The following SOX5 variants were observed in gnomAD, a reference collection of about 807,000 sequenced individuals.
The protein encoded by SOX5 is SRY-box transcription factor 5, also known as transcription factor SOX-5.
SOX5 carries 9 observed loss-of-function variants against 92.0 expected under a neutral mutation model. That is an observed-to-expected ratio of 0.10 (90% CI 0.06 to 0.17). SOX5 has a LOEUF of 0.17. SOX5 is among the 10% of genes least tolerant of loss of function. SOX5 has a pLI of 1.00. For synonymous variants in SOX5, 344 were observed against 336.3 expected, an observed-to-expected ratio of 1.02 and a Z score of -0.25; for missense variants, 642 against 944.5, an observed-to-expected ratio of 0.68 and a Z score of 4.20.
At chr12:24,176,966 T>C (rs1157067872) in intron 4 of SOX5, among the ~76,000 whole-genome samples, 1 of 66,418 alleles carries the variant, frequency 1.5e-5, no homozygotes, top group Admixed American at 2.0e-4. Flanking sequence ...AGCAGTCAAG[T>C]TTTGTTTTTT....
chr12:23,798,102 A>G (rs1567847240), intron 3 of SOX5, among the ~76,000 whole-genome samples: 3 of 151,514 alleles, frequency 2.0e-5, no homozygotes, highest in East Asian at 3.9e-4. Flanking sequence ...CTCCTGCTTT[A>G]TTTTTCCTAT....
At chr12:24,355,282 C>CTTTTTTTTTTTTTTTTT (rs768157437) in intron 2 of SOX5, among the ~76,000 whole-genome samples, 11 of 71,932 alleles carry the variant, frequency 1.5e-4, no homozygotes, top group Non-Finnish European at 1.8e-4. Flanking sequence ...AGGGGTGCAT[C>CTTTTTTTTTTTTTTTTT]TTTTTTTTTT....
intron 4 of SOX5, among the ~76,000 whole-genome samples, chr12:23,979,389 A>T (rs984933624): frequency 1.1e-4 from 16 of 151,886 alleles, no homozygotes; most frequent in African/African-American, 1.5e-4. Context: ...ATGCCCAGCT[A>T]ATTTTCCTAT....
intron 2 of SOX5, among the ~76,000 whole-genome samples, chr12:23,886,239 T>G (rs993241472): frequency 6.6e-6 from 1 of 152,194 alleles, no homozygotes; most frequent in African/African-American, 2.4e-5. Context: ...ATGAATATGA[T>G]TGTCAAAATA....
intron 3 of SOX5, among the ~76,000 whole-genome samples, chr12:23,819,052 A>G (rs1264757458): frequency 1.3e-5 from 2 of 152,200 alleles, no homozygotes; most frequent in African/African-American, 4.8e-5. Context: ...TAAAATAACT[A>G]TAAAAATGAT....
chr12:24,475,973 C>A (rs946977496), intron 1 of SOX5, among the ~76,000 whole-genome samples: 3 of 149,200 alleles, frequency 2.0e-5, no homozygotes, highest in African/African-American at 7.5e-5. Context: ...CAGAGCAAGA[C>A]CCTGTCTCCG....
At chr12:23,859,057 G>A (rs1014061800) in intron 2 of SOX5, among the ~76,000 whole-genome samples, 13 of 152,100 alleles carry the variant, frequency 8.5e-5, no homozygotes, top group African/African-American at 1.2e-4. Context: ...TGATGATTGC[G>A]TTAACTGTAC....
chr12:23,741,014 T>C lies in SOX5; in HGVS notation c.594A>G (p.Lys198=). Residue 198 remains lysine (K), a synonymous_variant, in exon 5 of 15, where the codon AAA becomes AAG. Coordinates refer to ENST00000451604, the MANE Select transcript of SOX5 (RefSeq NM_006940.6). ...IKGTPESLAE[K]ERQLMGMINQ... is the part of the protein sequence containing the mutation. ...TGATCATACCCATGAGTTGCCTTTC[T>C]TTCTCAGCTAAGCTCTCGGGAGTCC... The C allele has an allele frequency of 6.2e-7, 1 of 1,606,036 alleles. No homozygotes were observed.
At chr12:23,705,252 G>A (rs1226675122) in intron 6 of SOX5, among the ~76,000 whole-genome samples, 1 of 151,940 alleles carries the variant, frequency 6.6e-6, no homozygotes, top group Non-Finnish European at 1.5e-5. Flanking sequence ...CTTTAGCAAC[G>A]TTTAATACTT....
chr12:24,275,992 C>T lies in SOX5; in HGVS notation c.-77+1224G>A, dbSNP rs557457484. On this transcript the variant is annotated intron_variant, in intron 3 of 4. Coordinates refer to the SOX5 transcript ENST00000446891. Reference sequence around the variant, plus strand: ...ACTACTTGTTCTTGTATCTCATTATCTTTTAAATTAAGATATCACTGTCTT... The same window carrying T: ...ACTACTTGTTCTTGTATCTCATTATTTTTTAAATTAAGATATCACTGTCTT... Among the ~76,000 whole-genome samples, 12 of 152,084 alleles carry T rather than the reference C, an allele frequency of 7.9e-5. No individual in the cohort carries two copies. The South Asian group carries it at 2.1e-3, about 26-fold the overall frequency.
chr12:24,088,545 A>G (rs912872867), intron 4 of SOX5, among the ~76,000 whole-genome samples: 1 of 151,924 alleles, frequency 6.6e-6, no homozygotes, highest in Non-Finnish European at 1.5e-5. Context: ...GAATTTGATA[A>G]CTTGAATCTA....
At chr12:23,855,549 ATCTTTC>A (rs1285777770) in intron 2 of SOX5, among the ~76,000 whole-genome samples, 1 of 152,034 alleles carries the variant, frequency 6.6e-6, no homozygotes, top group Non-Finnish European at 1.5e-5. Context: ...TCATGTTTCT[ATCTTTC>A]TCTTTCTTTT....
In SOX5 at chr12:24,348,571, C is replaced by T. The variant is rs1026448477; in HGVS notation, c.-174+19992G>A. On this transcript the variant is annotated intron_variant, in intron 2 of 4. Coordinates refer to the SOX5 transcript ENST00000446891. Reference sequence around the variant, plus strand: ...CTAATTTTTGTACTTTTAGTAGAGGCGGTGTTTCACCATGTTGGCCAGGCT... The same window carrying T: ...CTAATTTTTGTACTTTTAGTAGAGGTGGTGTTTCACCATGTTGGCCAGGCT... Among the ~76,000 whole-genome samples the T allele has an allele frequency of 6.1e-4, 92 of 151,984 alleles. 1 individual carries two copies. The highest frequency in any genetic ancestry group is 1.9e-3 in the African/African-American group (80 of 41,466).
At chr12:23,769,953 T>C (rs2094870403) in intron 3 of SOX5, among the ~76,000 whole-genome samples, 1 of 152,074 alleles carries the variant, frequency 6.6e-6, no homozygotes, top group Admixed American at 6.6e-5. Flanking sequence ...GGGATGTATT[T>C]ATAATGAGAT....
intron 4 of SOX5, among the ~76,000 whole-genome samples, chr12:24,189,245 C>T (rs1186967834): frequency 1.3e-5 from 2 of 152,148 alleles, no homozygotes; most frequent in African/African-American, 4.8e-5. Context: ...ACTGGCCGTT[C>T]TCCAATACCT....
intron 4 of SOX5, among the ~76,000 whole-genome samples, chr12:24,053,186 C>CTTT (rs771905340): frequency 4.8e-5 from 7 of 144,508 alleles, no homozygotes; most frequent in African/African-American, 5.2e-5. Flanking sequence ...ACGCCCCCCC[C>CTTT]CTTTTTTTTT....
intron 2 of SOX5, among the ~76,000 whole-genome samples, chr12:24,318,294 G>A (rs1188185918): frequency 2.0e-5 from 3 of 152,186 alleles, no homozygotes; most frequent in Non-Finnish European, 4.4e-5. Flanking sequence ...TTTCAAGGAT[G>A]TAAGCAAAAG....
At chr12:24,458,804 T>C (rs549884806) in intron 1 of SOX5, among the ~76,000 whole-genome samples, 6 of 152,302 alleles carry the variant, frequency 3.9e-5, no homozygotes, top group Non-Finnish European at 5.9e-5. Context: ...CTCTAAATCA[T>C]TTAGAGATAA....
At chr12:24,450,439 T>C (rs11047452) in intron 1 of SOX5, among the ~76,000 whole-genome samples, 38,968 of 151,970 alleles carry the variant, frequency 0.26, 6,133 homozygotes, top group East Asian at 0.67. Flanking sequence ...TCAGGATAAA[T>C]GGGATATCCA....
Sources: allele counts gnomAD v4.1 joint callset (sites outside exome capture counted in the v4.1 genomes callset), GRCh38; gene constraint gnomAD v4.1.1; transcripts MANE v1.5; gene names NCBI Gene and HGNC (gene_info 2026-07-23, HGNC 2026-07-21).